The following PDE1A variants were observed in gnomAD, a reference collection of about 807,000 sequenced individuals.
PDE1A encodes dual specificity calcium/calmodulin-dependent 3',5'-cyclic nucleotide phosphodiesterase 1A.
A neutral mutation model predicts 61.7 loss-of-function variants in PDE1A; 35 were observed. The ratio of observed to expected loss-of-function variants is 0.57; its 90% CI spans 0.43 to 0.75. The LOEUF is 0.75. Ranked by LOEUF, PDE1A falls within the 30% of genes least tolerant of loss-of-function variation. The pLI is 0.00. For missense variants in PDE1A, 597 were observed against 630.6 expected (o/e 0.95, Z 0.57); for synonymous variants, 232 against 213.2 (o/e 1.09, Z -0.77).
chr2:182,441,947 C>G (rs747444995), intron 2 of PDE1A, among the ~76,000 whole-genome samples: 1 of 152,012 alleles, frequency 6.6e-6, no homozygotes, highest in African/African-American at 2.4e-5. Flanking sequence ...TAAAGGTCCT[C>G]CTACTGGAAA....
the PDE1A span, among the ~76,000 whole-genome samples, chr2:182,578,791 A>G: frequency 1.3e-5 from 2 of 152,242 alleles, no homozygotes; most frequent in African/African-American, 4.8e-5. Context: ...AATGGTAGAC[A>G]GTGAGGTGCT....
chr2:182,669,750 C>A, the PDE1A span, among the ~76,000 whole-genome samples: 2 of 152,206 alleles, frequency 1.3e-5, no homozygotes, highest in African/African-American at 2.4e-5. Flanking sequence ...TTGAATCCAC[C>A]TTTTACGCCA....
chr2:182,373,148 T>C (rs945152435), intron 1 of PDE1A, among the ~76,000 whole-genome samples: 1 of 152,236 alleles, frequency 6.6e-6, no homozygotes, highest in Non-Finnish European at 1.5e-5. Context: ...AATGATTTAC[T>C]TGAGTCAGGC....
intron 10 of PDE1A, among the ~76,000 whole-genome samples, chr2:182,190,814 G>C (rs1483731041): frequency 6.6e-6 from 1 of 152,016 alleles, no homozygotes; most frequent in Admixed American, 6.6e-5. Flanking sequence ...AAATTACCTA[G>C]GTGTGGTGGC....
At chr2:182,488,329 T>C (rs1688157228) in intron 2 of PDE1A, among the ~76,000 whole-genome samples, 1 of 152,184 alleles carries the variant, frequency 6.6e-6, no homozygotes, top group Admixed American at 6.5e-5. Context: ...TACCAAGGGC[T>C]ACAGTGGATT....
At chr2:182,214,120 T>G (rs1384989225) in intron 7 of PDE1A, among the ~76,000 whole-genome samples, 1 of 150,700 alleles carries the variant, frequency 6.6e-6, no homozygotes, top group Non-Finnish European at 1.5e-5. Flanking sequence ...TATTCAACAT[T>G]CTTAAAAGAA....
At chr2:182,163,498 G>A (rs929526995), downstream of PDE1A, among the ~76,000 whole-genome samples, 1 of 152,090 alleles carries the variant, frequency 6.6e-6, no homozygotes, top group African/African-American at 2.4e-5. Flanking sequence ...CAACCACTGT[G>A]GATTTATTGG....
At position 182,388,436 on chromosome 2, in the gene PDE1A, T is replaced by A. The variant is rs879138419; in HGVS notation, c.53+38142A>T. Among the ~76,000 whole-genome samples, 15 of 152,182 alleles carry A rather than the reference T, an allele frequency of 9.9e-5. 2 individuals are homozygous for A. The South Asian group carries it at 1.0e-3, about 11-fold the overall frequency. Reference sequence around the variant, plus strand: ...ATTATATGTCAGGCCACAAAATAAGTCTTCATAAATTTAAGAAAATTAAAA... The same window carrying A: ...ATTATATGTCAGGCCACAAAATAAGACTTCATAAATTTAAGAAAATTAAAA... On this transcript the variant is annotated intron_variant, in intron 1 of 13. Coordinates refer to ENST00000351439, the Ensembl canonical transcript of PDE1A.
the PDE1A span, among the ~76,000 whole-genome samples, chr2:182,644,985 AT>A: frequency 0.35 from 45,119 of 127,648 alleles, 6,503 homozygotes; most frequent in Admixed American, 0.48. Context: ...TGTCTTCTGT[AT>A]TTTTTTTTTT....
intron 1 of PDE1A, among the ~76,000 whole-genome samples, chr2:182,322,643 T>C (rs1190346031): frequency 6.6e-6 from 1 of 152,186 alleles, no homozygotes; most frequent in African/African-American, 2.4e-5. Flanking sequence ...TCACTTCTCA[T>C]GAGGCAGACT....
intron 7 of PDE1A, among the ~76,000 whole-genome samples, chr2:182,211,560 C>G (rs1226838545): frequency 6.6e-6 from 1 of 152,132 alleles, no homozygotes; most frequent in Non-Finnish European, 1.5e-5. Context: ...AAATAACTTG[C>G]TGGTATTTTC....
chr2:182,658,640 T>C, the PDE1A span, among the ~76,000 whole-genome samples: 6 of 152,030 alleles, frequency 3.9e-5, no homozygotes, highest in African/African-American at 1.4e-4. Context: ...ATTGAAGGAG[T>C]GGTACTCTAT....
At chr2:182,202,290 C>CCTAT (rs1480007492) in intron 8 of PDE1A, among the ~76,000 whole-genome samples, 2 of 151,982 alleles carry the variant, frequency 1.3e-5, no homozygotes, top group Admixed American at 6.6e-5. Flanking sequence ...ATTTCAAGAC[C>CCTAT]CTATCTGATT....
the PDE1A span, among the ~76,000 whole-genome samples, chr2:182,601,812 C>T: frequency 0.21 from 31,195 of 152,154 alleles, 3,434 homozygotes; most frequent in Middle Eastern, 0.33. Context: ...CTTCTCTCTG[C>T]TGCTGGTCAT....
At chr2:182,666,811 G>T in the PDE1A span, among the ~76,000 whole-genome samples, 2,706 of 152,160 alleles carry the variant, frequency 0.018, 79 homozygotes, top group African/African-American at 0.062. Context: ...CATTTGACTG[G>T]TACAGTATAG....
At chr2:182,310,695 A>G (rs1347732) in intron 1 of PDE1A, among the ~76,000 whole-genome samples, 2 of 152,102 alleles carry the variant, frequency 1.3e-5, no homozygotes, top group Admixed American at 6.5e-5. Context: ...CAGCTTCCTA[A>G]AGCCAAACTG....
intron 2 of PDE1A, among the ~76,000 whole-genome samples, chr2:182,247,702 G>A (rs865827909): frequency 2.0e-5 from 3 of 152,082 alleles, no homozygotes; most frequent in Middle Eastern, 3.4e-3. Context: ...CTTTTTCACC[G>A]GCAGATAATT....
intron 2 of PDE1A, among the ~76,000 whole-genome samples, chr2:182,462,159 G>T (rs966365690): frequency 5.3e-5 from 8 of 151,924 alleles, no homozygotes; most frequent in Non-Finnish European, 1.0e-4. Context: ...CTGTTGTGGG[G>T]TGGGGGGAGC....
intron 8 of PDE1A, among the ~76,000 whole-genome samples, chr2:182,202,600 T>G (rs1027492793): frequency 6.6e-6 from 1 of 152,124 alleles, no homozygotes; most frequent in African/African-American, 2.4e-5. Context: ...AGCAGACACA[T>G]GGACCACTCC....
Sources: gnomAD v4.1 joint callset for allele counts (sites outside exome capture counted in the v4.1 genomes callset) on GRCh38, gnomAD v4.1.1 for gene constraint, MANE v1.5 for transcripts, NCBI Gene and HGNC (gene_info 2026-07-23, HGNC 2026-07-21) for gene names.